The following SLC30A8 variants were observed in gnomAD, a reference collection of about 807,000 sequenced individuals.
The protein encoded by SLC30A8 is proton-coupled zinc antiporter SLC30A8.
SLC30A8 carries 27 observed loss-of-function variants against 36.9 expected under a neutral mutation model. The observed-to-expected ratio is 0.73, with a 90% confidence interval of 0.54 to 1.01. SLC30A8 has a LOEUF of 1.01. Ranked by LOEUF, SLC30A8 falls within the 50% of genes least tolerant of loss-of-function variation. The pLI, the probability that SLC30A8 is intolerant of heterozygous loss-of-function variation, is 0.00. For synonymous variants in SLC30A8, 164 were observed against 172.4 expected, an observed-to-expected ratio of 0.95 and a Z score of 0.38; for missense variants, 439 against 452.0, an observed-to-expected ratio of 0.97 and a Z score of 0.26.
rs182215418 is a variant in SLC30A8, at chr8:117,166,483, G to A, written c.829+2953G>A. On this transcript the variant is annotated intron_variant, in intron 6 of 7. Transcript: ENST00000456015. ...CAAACTTTAGTGGCATCAGAATCAC[G>A]TGGAGGGTTTATTGAAACACAGATA... Among the ~76,000 whole-genome samples the A allele has an allele frequency of 2.9e-3, 439 of 152,262 alleles. 1 individual carries two copies. The highest frequency in any genetic ancestry group is 9.6e-3 in the African/African-American group (401 of 41,560).
At chr8:117,111,386 C>T (rs1388131465) in intron 2 of SLC30A8, among the ~76,000 whole-genome samples, 1 of 152,132 alleles carries the variant, frequency 6.6e-6, no homozygotes, top group African/African-American at 2.4e-5. Context: ...CAGTAGACCA[C>T]TCTTATTTGC....
intron 1 of SLC30A8, among the ~76,000 whole-genome samples, chr8:116,961,676 A>G (rs1156392871): frequency 6.6e-6 from 1 of 151,990 alleles, no homozygotes; most frequent in Non-Finnish European, 1.5e-5. Context: ...TCCAAGATTA[A>G]GGCCCTGGCC....
chr8:117,073,586 T>A (rs932962892), intron 2 of SLC30A8, among the ~76,000 whole-genome samples: 3 of 152,178 alleles, frequency 2.0e-5, no homozygotes, highest in Non-Finnish European at 2.9e-5. Context: ...CTACAAATAG[T>A]TCTTGCTTTT....
rs190233012 is a variant in SLC30A8, at chr8:117,045,236, C to T, written c.-226+5978C>T. On this transcript the variant is annotated intron_variant, in intron 2 of 10. Transcript: ENST00000427715. ...GGTTCTGGTTTTTCTAGTGGAGGAACCTTTTACAATCTGGATGGAGGAAAT... is the reference window on the plus strand; with the variant it reads ...GGTTCTGGTTTTTCTAGTGGAGGAATCTTTTACAATCTGGATGGAGGAAAT... 1.8e-3 allele frequency among the ~76,000 whole-genome samples: 275 copies of T among 152,216 alleles called. 2 individuals carry two copies. The highest frequency in any genetic ancestry group is 6.3e-3 in the African/African-American group (261 of 41,528).
intron 1 of SLC30A8, among the ~76,000 whole-genome samples, chr8:116,993,879 T>C (rs1189992648): frequency 1.3e-5 from 2 of 151,898 alleles, no homozygotes; most frequent in African/African-American, 2.4e-5. Flanking sequence ...GAGGCTATTA[T>C]AAAAAGTTAT....
intron 1 of SLC30A8, among the ~76,000 whole-genome samples, chr8:117,011,704 GA>G (rs1816349810): frequency 6.6e-6 from 1 of 152,078 alleles, no homozygotes. Flanking sequence ...ACCTCTTTGG[GA>G]AAAAGAAAAT....
chr8:117,097,576 A>T (rs1407029847), intron 2 of SLC30A8, among the ~76,000 whole-genome samples: 3 of 105,536 alleles, frequency 2.8e-5, no homozygotes, highest in African/African-American at 1.2e-4. Flanking sequence ...ATAATATATA[A>T]TTTTAAATAA....
intron 1 of SLC30A8, chr8:117,017,893 G>A (rs1357687122): frequency 6.6e-6 from 1 of 152,194 alleles, no homozygotes; most frequent in East Asian, 1.9e-4. Flanking sequence ...TAAAATGTGA[G>A]CCACTTATAT....
At chr8:117,094,543 G>A (rs1416509079) in intron 2 of SLC30A8, among the ~76,000 whole-genome samples, 2 of 152,200 alleles carry the variant, frequency 1.3e-5, no homozygotes, top group Non-Finnish European at 2.9e-5. Flanking sequence ...CTTTGCAGCT[G>A]TTTGAGTCTG....
intron 7 of SLC30A8, among the ~76,000 whole-genome samples, chr8:117,171,479 T>TATCA (rs1388237132): frequency 6.6e-6 from 1 of 152,152 alleles, no homozygotes; most frequent in Non-Finnish European, 1.5e-5. Context: ...CTTGGTGCCC[T>TATCA]ATCAGTCAAA....
Position 117,077,809 on chromosome 8 carries a change from C to T in SLC30A8, c.-226+38551C>T, listed in dbSNP as rs538634127. 6.6e-5 allele frequency among the ~76,000 whole-genome samples: 10 copies of T among 152,322 alleles called. No homozygotes were observed. The South Asian group carries it at 1.9e-3, about 28-fold the overall frequency. ...ACCAATTGTTCAGATTATTGGCAAT[C>T]TTTCTAGAGCGAGTCAAAGAAGACT... On this transcript the variant is annotated intron_variant, in intron 2 of 10. Transcript: ENST00000427715.
intron 1 of SLC30A8, among the ~76,000 whole-genome samples, chr8:116,980,653 T>G (rs1815218803): frequency 6.6e-6 from 1 of 152,130 alleles, no homozygotes; most frequent in African/African-American, 2.4e-5. Context: ...AACTGGAAGA[T>G]GAGTCTACAA....
chr8:117,106,490 A>G (rs1366539312), intron 2 of SLC30A8, among the ~76,000 whole-genome samples: 4 of 152,162 alleles, frequency 2.6e-5, no homozygotes, highest in Admixed American at 6.6e-5. Context: ...TGTTTCAGAG[A>G]TTGTTAGAGT....
At chr8:117,160,436 C>T (rs77829246) in intron 4 of SLC30A8, among the ~76,000 whole-genome samples, 17,575 of 121,962 alleles carry the variant, frequency 0.14, 2,239 homozygotes, top group African/African-American at 0.35. Flanking sequence ...TGTGTGTGTG[C>T]GCGCACATGT....
intron 2 of SLC30A8, among the ~76,000 whole-genome samples, chr8:117,150,017 A>T (rs544366878): frequency 1.3e-5 from 2 of 152,326 alleles, no homozygotes; most frequent in African/African-American, 4.8e-5. Flanking sequence ...AAACCCATGC[A>T]GACATGGGGA....
intron 2 of SLC30A8, among the ~76,000 whole-genome samples, chr8:117,084,650 G>A (rs1157253357): frequency 6.6e-6 from 1 of 152,002 alleles, no homozygotes; most frequent in Admixed American, 6.6e-5. Flanking sequence ...TAAACCCCCG[G>A]ACTTTTGTGT....
At chr8:117,089,625 G>A (rs1258119932) in intron 2 of SLC30A8, among the ~76,000 whole-genome samples, 1 of 152,162 alleles carries the variant, frequency 6.6e-6, no homozygotes, top group Non-Finnish European at 1.5e-5. Context: ...GCAAGGCTCA[G>A]CTAGCATCCC....
At chr8:117,014,762 G>C (rs1816457787) in intron 1 of SLC30A8, among the ~76,000 whole-genome samples, 1 of 152,082 alleles carries the variant, frequency 6.6e-6, no homozygotes, top group South Asian at 2.1e-4. Context: ...TGCACCTACT[G>C]CCTGTTGTCC....
At chr8:117,099,615 T>C (rs1819621741) in intron 2 of SLC30A8, among the ~76,000 whole-genome samples, 1 of 152,146 alleles carries the variant, frequency 6.6e-6, no homozygotes, top group Non-Finnish European at 1.5e-5. Context: ...GAAAGCTTTA[T>C]GGCAAAAATA....
Sources: allele counts gnomAD v4.1 joint callset (sites outside exome capture counted in the v4.1 genomes callset), GRCh38; gene constraint gnomAD v4.1.1; transcripts MANE v1.5; gene names NCBI Gene and HGNC (gene_info 2026-07-23, HGNC 2026-07-21).